GRXCR1: variants seen among roughly 807,000 people sequenced by gnomAD.
GRXCR1 encodes the protein glutaredoxin and cysteine rich domain containing 1, also known as glutaredoxin domain-containing cysteine-rich protein 1.
Under a neutral mutation model 27.3 loss-of-function variants are expected in GRXCR1, and 27 were observed. That is an observed-to-expected ratio of 0.99 (90% confidence interval 0.73 to 1.37). GRXCR1 has a LOEUF of 1.37. Among genes scored for constraint, GRXCR1 ranks in the 40% most tolerant of loss-of-function variants. The pLI is 0.00. For synonymous variants in GRXCR1, 122 were observed against 131.1 expected (o/e 0.93, Z 0.47); for missense variants, 379 against 354.4 (o/e 1.07, Z -0.56).
chr4:42,905,566 C>G (rs1468029876), intron 1 of GRXCR1, among the ~76,000 whole-genome samples: 1 of 152,154 alleles, frequency 6.6e-6, no homozygotes, highest in East Asian at 1.9e-4. Context: ...TGATAAAGGA[C>G]CCAGACGTTT....
At chr4:42,939,144 T>C (rs995757806) in intron 1 of GRXCR1, among the ~76,000 whole-genome samples, 2 of 152,104 alleles carry the variant, frequency 1.3e-5, no homozygotes, top group African/African-American at 2.4e-5. Context: ...ACATAAAATA[T>C]GTTTTTATTT....
At chr4:43,010,920 G>GA (rs1053463527) in intron 2 of GRXCR1, among the ~76,000 whole-genome samples, 126 of 152,202 alleles carry the variant, frequency 8.3e-4, no homozygotes, top group African/African-American at 2.9e-3. Context: ...CTACATGATA[G>GA]AAATATTTTT....
At chr4:42,930,271 A>C (rs1747272276) in intron 1 of GRXCR1, among the ~76,000 whole-genome samples, 1 of 152,020 alleles carries the variant, frequency 6.6e-6, no homozygotes, top group Non-Finnish European at 1.5e-5. Context: ...TTGTGCTAAA[A>C]TTCCATTGGC....
chr4:42,990,500 G>T (rs1469425380), intron 2 of GRXCR1, among the ~76,000 whole-genome samples: 1 of 151,694 alleles, frequency 6.6e-6, no homozygotes, highest in Non-Finnish European at 1.5e-5. Flanking sequence ...TCAAAACTAG[G>T]CATGAATTTA....
Position 42,963,097 on chromosome 4 carries a change from CCCTCCCT to C in GRXCR1, c.591_597del (p.Pro199CysfsTer17), listed in dbSNP as rs779481617. On this transcript the variant is annotated frameshift_variant, in exon 2 of 4. Transcript: ENST00000399770. LOFTEE classifies it high-confidence loss of function. Reference sequence around the variant, plus strand: ...TGCCGACGAGTTTCTGAAGCTCCTTCCCTCCCTGTTGTGTTCATTGATGGCCATTACC... The same window carrying C: ...TGCCGACGAGTTTCTGAAGCTCCTTCGTTGTGTTCATTGATGGCCATTACC... 6.2e-7 allele frequency: 1 copy of C among 1,612,798 alleles called. No individual in the cohort carries two copies.
At chr4:42,989,836 T>C (rs556262131) in intron 2 of GRXCR1, among the ~76,000 whole-genome samples, 135 of 152,308 alleles carry the variant, frequency 8.9e-4, no homozygotes, top group Admixed American at 2.3e-3. Context: ...TATTATCTCC[T>C]ATCTGCAAGC....
intron 2 of GRXCR1, among the ~76,000 whole-genome samples, chr4:42,980,056 C>G (rs11736502): frequency 7.1e-6 from 1 of 141,658 alleles, no homozygotes; most frequent in African/African-American, 2.8e-5. Flanking sequence ...TCTTTTTTTC[C>G]TTAGTCTAGC....
At chr4:42,960,651 T>C (rs1748111208) in intron 1 of GRXCR1, among the ~76,000 whole-genome samples, 2 of 151,894 alleles carry the variant, frequency 1.3e-5, no homozygotes, top group South Asian at 2.1e-4. Flanking sequence ...TGTTTTTTTT[T>C]CACATTTTCT....
At chr4:42,976,332 ATG>A (rs1463171548) in intron 2 of GRXCR1, among the ~76,000 whole-genome samples, 4 of 151,948 alleles carry the variant, frequency 2.6e-5, no homozygotes, top group Admixed American at 2.6e-4. Flanking sequence ...TTAGTTAGTT[ATG>A]GTCTTCATTT....
intron 1 of GRXCR1, among the ~76,000 whole-genome samples, chr4:42,918,349 G>A (rs1454221802): frequency 6.6e-6 from 1 of 152,126 alleles, no homozygotes; most frequent in Non-Finnish European, 1.5e-5. Context: ...TGTTGCGTTG[G>A]TGATTAAGTT....
At chr4:42,901,123 T>G (rs1223312117) in intron 1 of GRXCR1, among the ~76,000 whole-genome samples, 1 of 152,118 alleles carries the variant, frequency 6.6e-6, no homozygotes, top group Non-Finnish European at 1.5e-5. Flanking sequence ...ATCAAGAACA[T>G]GGTCATTGGC....
intron 1 of GRXCR1, among the ~76,000 whole-genome samples, chr4:42,949,623 C>A (rs1296585596): frequency 2.0e-5 from 3 of 152,104 alleles, no homozygotes; most frequent in Admixed American, 2.0e-4. Flanking sequence ...ACCTACCTTA[C>A]TTATAGAGTT....
At chr4:42,965,187 G>T (rs1445928448) in intron 2 of GRXCR1, among the ~76,000 whole-genome samples, 1 of 152,002 alleles carries the variant, frequency 6.6e-6, no homozygotes, top group Non-Finnish European at 1.5e-5. Flanking sequence ...GAGATAGGGG[G>T]CATGCTTCTT....
intron 1 of GRXCR1, among the ~76,000 whole-genome samples, chr4:42,910,363 AG>A (rs1474622375): frequency 6.6e-6 from 1 of 151,534 alleles, no homozygotes; most frequent in Non-Finnish European, 1.5e-5. Flanking sequence ...GGGCCTTCTG[AG>A]GAATATTTAG....
intron 1 of GRXCR1, among the ~76,000 whole-genome samples, chr4:42,925,211 C>A (rs184879012): frequency 6.5e-4 from 98 of 151,910 alleles, no homozygotes; most frequent in Middle Eastern, 6.8e-3. Context: ...TAACTAGGAC[C>A]AAGATTACAT....
chr4:42,984,330 C>T (rs1711606270), intron 2 of GRXCR1, among the ~76,000 whole-genome samples: 1 of 152,010 alleles, frequency 6.6e-6, no homozygotes, highest in African/African-American at 2.4e-5. Context: ...TCTTGAAGTT[C>T]ACTGAGATTC....
chr4:43,007,523 G>A (rs960632796), intron 2 of GRXCR1, among the ~76,000 whole-genome samples: 4 of 152,200 alleles, frequency 2.6e-5, no homozygotes, highest in Admixed American at 2.6e-4. Flanking sequence ...GATCATTCCG[G>A]CCTCTGCATA....
At chr4:42,968,253 T>C (rs1053396183) in intron 2 of GRXCR1, among the ~76,000 whole-genome samples, 1 of 152,158 alleles carries the variant, frequency 6.6e-6, no homozygotes, top group Non-Finnish European at 1.5e-5. Flanking sequence ...GAGCTCATCA[T>C]CTATTTTCTA....
At chr4:42,963,934 T>A (rs983481257) in intron 2 of GRXCR1, among the ~76,000 whole-genome samples, 4 of 152,002 alleles carry the variant, frequency 2.6e-5, no homozygotes, top group African/African-American at 9.7e-5. Flanking sequence ...TCATTTAGCA[T>A]CTGCTCTTAA....
Sources: gnomAD v4.1 joint callset for allele counts (sites outside exome capture counted in the v4.1 genomes callset) on GRCh38, gnomAD v4.1.1 for gene constraint, MANE v1.5 for transcripts, NCBI Gene and HGNC (gene_info 2026-07-23, HGNC 2026-07-21) for gene names.